AK3: variants seen among roughly 807,000 people sequenced by gnomAD.
The protein encoded by AK3 is GTP:AMP phosphotransferase AK3, mitochondrial.
A neutral mutation model predicts 23.7 loss-of-function variants in AK3; 27 were observed. That is an observed-to-expected ratio of 1.14 (90% CI 0.84 to 1.57). The LOEUF (loss-of-function observed/expected upper bound fraction) is 1.57. AK3 is among the 40% of genes most tolerant of loss of function. The pLI is 0.00. For synonymous variants in AK3, 159 were observed against 116.0 expected, an observed-to-expected ratio of 1.37 and a Z score of -2.38; for missense variants, 406 against 285.6, an observed-to-expected ratio of 1.42 and a Z score of -3.04.
In AK3 at chr9:4,741,169, G is replaced by T. The variant is rs1370632245; in HGVS notation, c.-82C>A. On this transcript the variant is annotated 5_prime_UTR_variant, in exon 1 of 5. Transcript: ENST00000381809. ...GCTCACCCGCTCGGCAGCCTGCGCC[G>T]GCCGGCTAGCAGCGCCACTAGCAGG... 2.3e-6 allele frequency: 3 copies of T among 1,310,322 alleles called. No homozygotes were observed. The highest frequency in any genetic ancestry group is 2.9e-6 in the Non-Finnish European group (3 of 1,023,948). The allele number at this position is 1,310,322 out of a possible 1,614,324, so 81.2% of individuals were successfully genotyped here. A position where few individuals can be genotyped will look rare whatever the true frequency, so the allele number is the denominator to read the frequency against.
At chr9:4,715,818 T>A (rs1439674893) in intron 4 of AK3, among the ~76,000 whole-genome samples, 1 of 152,172 alleles carries the variant, frequency 6.6e-6, no homozygotes, top group African/African-American at 2.4e-5. Flanking sequence ...AACAATGCAT[T>A]CTCCCTTCCT....
chr9:4,719,404 T>A, intron 2 of AK3, 97 bp from the exon 3 acceptor site: 3 of 831,136 alleles, frequency 3.6e-6, no homozygotes, highest in Non-Finnish European at 5.4e-6. Context: ...AAGAAAGAAT[T>A]AATGTTGGAC....
intron 1 of AK3, among the ~76,000 whole-genome samples, chr9:4,728,341 C>T (rs1842065088): frequency 6.6e-6 from 1 of 151,824 alleles, no homozygotes; most frequent in African/African-American, 2.4e-5. Context: ...GAGGCCGAGG[C>T]AGGCGCATCA....
rs141239618 is a variant in AK3, at chr9:4,740,058, T to TAA, written c.151+878_151+879insTT. On this transcript the variant is annotated intron_variant, in intron 1 of 4. Transcript: ENST00000381809. ...GCACGTCTATCCTGTTTGCTATCCT[T>TAA]ACAAAAAAAAAAAAAAAAAGAAGGA... 4.8e-3 allele frequency among the ~76,000 whole-genome samples: 410 copies of TAA among 85,514 alleles called. 12 individuals are homozygous for TAA. The highest frequency in any genetic ancestry group is 0.021 in the Middle Eastern group (3 of 146). The allele number at this position is 85,514 out of a possible 152,430, so 56.1% of individuals were successfully genotyped here. A position where few individuals can be genotyped will look rare whatever the true frequency, so the allele number is the denominator to read the frequency against.
intron 1 of AK3, among the ~76,000 whole-genome samples, chr9:4,724,269 T>A (rs1225130815): frequency 1.3e-5 from 2 of 151,752 alleles, no homozygotes; most frequent in East Asian, 3.9e-4. Flanking sequence ...GAAAAAAAAA[T>A]GTAAAAACAC....
At position 4,741,080 on chromosome 9, in the gene AK3, G is replaced by A. The variant is rs533872729; in HGVS notation, c.8C>T (p.Ala3Val). The A allele has an allele frequency of 3.2e-6, 5 of 1,539,010 alleles. No homozygotes were observed. In the South Asian group the frequency reaches 3.6e-5, roughly 11 times the overall value. Residue 3 changes from alanine to valine, a missense_variant, in exon 1 of 5, where the codon GCG becomes GTG. By Grantham distance (64) the Ala-to-Val change is moderately conservative (BLOSUM62 0). Coordinates refer to ENST00000381809, the MANE Select transcript of AK3 (RefSeq NM_016282.4). The part of the protein sequence containing the change: MG[A>V]SARLLRAVIM... ...CACCGCTCGCAGCAGCCGCGCGGAC[G>A]CCCCCATGGCCGCAGACTGAGGCCC...
rs1366654095 is a variant in AK3 at position 4,711,469 on chromosome 9, A to T, written c.*1507T>A. On this transcript the variant is annotated 3_prime_UTR_variant, in exon 5 of 5. Coordinates refer to ENST00000381809, the MANE Select transcript of AK3 (RefSeq NM_016282.4). ...TTTTAAAAAACCTTGGTTCATCTTG[A>T]AAGATCGATGAATTTTTTAAATATC... The T allele has an allele frequency of 6.6e-6, 1 of 152,668 alleles. No homozygotes were observed. Among genetic ancestry groups the T allele is most frequent in the Non-Finnish European group, 1.5e-5 (1 of 68,036 alleles). 9.5% of individuals were successfully genotyped at this position (152,668 alleles called of 1,614,324 possible). A position where few individuals can be genotyped will look rare whatever the true frequency, so the allele number is the denominator to read the frequency against.
intron 1 of AK3, among the ~76,000 whole-genome samples, chr9:4,726,920 G>C (rs1587649352): frequency 6.6e-6 from 1 of 152,022 alleles, no homozygotes; most frequent in Non-Finnish European, 1.5e-5. Context: ...TGTTGTGTCA[G>C]CAGGCATGAA....
intron 1 of AK3, among the ~76,000 whole-genome samples, chr9:4,739,555 G>A (rs116213618): frequency 0.017 from 2,541 of 151,570 alleles, 71 homozygotes; most frequent in African/African-American, 0.058. Flanking sequence ...CCGTTTTCAT[G>A]TGAAATATAT....
intron 1 of AK3, among the ~76,000 whole-genome samples, chr9:4,726,162 G>A (rs1842019448): frequency 6.6e-6 from 1 of 152,146 alleles, no homozygotes; most frequent in African/African-American, 2.4e-5. Context: ...TTTTGCTGAT[G>A]GAGGGTCTTG....
chr9:4,740,103 T>C (rs1356669471), intron 1 of AK3, among the ~76,000 whole-genome samples: 1 of 150,444 alleles, frequency 6.6e-6, no homozygotes, highest in African/African-American at 2.4e-5. Flanking sequence ...AAAAAGGCCT[T>C]GTGGAAGCAT....
upstream of AK3, chr9:4,741,243 G>A (rs924887793): frequency 1.1e-4 from 88 of 819,850 alleles, no homozygotes; most frequent in Admixed American, 2.6e-4. Context: ...GACAGCCCCT[G>A]GGGCCGCCCA....
intron 1 of AK3, among the ~76,000 whole-genome samples, chr9:4,731,497 A>G (rs528925346): frequency 5.9e-4 from 90 of 151,992 alleles, no homozygotes; most frequent in Non-Finnish European, 3.7e-4. Context: ...TATATCATGA[A>G]CTTTCTATAT....
intron 1 of AK3, among the ~76,000 whole-genome samples, chr9:4,723,478 C>T (rs1243721364): frequency 6.6e-6 from 1 of 152,128 alleles, no homozygotes; most frequent in African/African-American, 2.4e-5. Context: ...ACAAAACACT[C>T]TGGAAAATGA....
chr9:4,715,400 T>C (rs1333460871), intron 4 of AK3, among the ~76,000 whole-genome samples: 1 of 149,052 alleles, frequency 6.7e-6, no homozygotes, highest in Non-Finnish European at 1.5e-5. Context: ...ACTTTTTTTT[T>C]TTTTTTTTTT....
rs754323325 is a variant in AK3, at chr9:4,729,013, A to ATT, written c.152-6389_152-6388insAA. 1.5e-3 allele frequency among the ~76,000 whole-genome samples: 162 copies of ATT among 109,798 alleles called. 15 individuals carry two copies. In the East Asian group the frequency reaches 0.042, roughly 29 times the overall value. 72.0% of individuals were successfully genotyped at this position (109,798 alleles called of 152,430 possible). On this transcript the variant is annotated intron_variant, in intron 1 of 4. Coordinates refer to ENST00000381809, the MANE Select transcript of AK3 (RefSeq NM_016282.4). ...CACACACACACATATATATATATAT[A>ATT]TATTTTTTTTTTTTGAGACGGAATT...
intron 1 of AK3, among the ~76,000 whole-genome samples, chr9:4,727,600 C>G (rs897225807): frequency 1.3e-5 from 2 of 152,160 alleles, no homozygotes; most frequent in Non-Finnish European, 2.9e-5. Context: ...CTGGTCTGAT[C>G]TTCTTTCTAG....
At chr9:4,713,869 C>A (rs1841627657) in intron 4 of AK3, among the ~76,000 whole-genome samples, 2 of 142,010 alleles carry the variant, frequency 1.4e-5, no homozygotes, top group African/African-American at 5.3e-5. Flanking sequence ...CTTCCTCTTG[C>A]TAATACCCGT....
At chr9:4,723,497 C>T (rs186478921) in intron 1 of AK3, among the ~76,000 whole-genome samples, 50 of 152,224 alleles carry the variant, frequency 3.3e-4, no homozygotes, top group African/African-American at 1.1e-3. Context: ...GATTTATGAA[C>T]AATTTAATAA....
Sources: allele counts gnomAD v4.1 joint callset (sites outside exome capture counted in the v4.1 genomes callset), GRCh38; gene constraint gnomAD v4.1.1; transcripts MANE v1.5; gene names NCBI Gene and HGNC (gene_info 2026-07-23, HGNC 2026-07-21).